Variants in CD44 observed in about 807,000 individuals in gnomAD.
The protein encoded by CD44 is CD44 antigen.
CD44 carries 49 observed loss-of-function variants against 88.8 expected under a neutral mutation model. The ratio of observed to expected loss-of-function variants is 0.55; its 90% CI spans 0.44 to 0.70. The LOEUF (loss-of-function observed/expected upper bound fraction) is 0.70. Ranked by LOEUF, CD44 falls within the 30% of genes least tolerant of loss-of-function variation. CD44 has a pLI of 0.00. For synonymous variants in CD44, 325 were observed against 312.3 expected (o/e 1.04, Z -0.43); for missense variants, 883 against 913.8 (o/e 0.97, Z 0.43).
At chr11:35,196,435 C>A (rs1023362125) in intron 5 of CD44, among the ~76,000 whole-genome samples, 1 of 152,036 alleles carries the variant, frequency 6.6e-6, no homozygotes, top group Admixed American at 6.6e-5. Context: ...TTCCTGGAGC[C>A]CTCACTCTTG....
At chr11:35,184,750 A>C (rs531079171) in intron 3 of CD44, among the ~76,000 whole-genome samples, 1 of 152,308 alleles carries the variant, frequency 6.6e-6, no homozygotes, top group Non-Finnish European at 1.5e-5. Context: ...TAGATGCTTA[A>C]AAATAATAAA....
chr11:35,228,298 C>G (rs373936723), intron 17 of CD44, among the ~76,000 whole-genome samples: 1 of 152,180 alleles, frequency 6.6e-6, no homozygotes, highest in Admixed American at 6.5e-5. Context: ...TGTTATTAAA[C>G]TTCCTATATC....
At chr11:35,165,323 G>T (rs1260385359) in intron 1 of CD44, among the ~76,000 whole-genome samples, 1 of 152,196 alleles carries the variant, frequency 6.6e-6, no homozygotes, top group Non-Finnish European at 1.5e-5. Context: ...GGGGAATGGG[G>T]AAAATTAGCA....
chr11:35,229,326 G>C lies in CD44; in HGVS notation c.2222G>C (p.Gly741Ala), dbSNP rs1347080117. The change falls in exon 18 of 18, where the codon GGG becomes GCG. Residue 741 changes from glycine to alanine, a missense_variant. By Grantham distance (60) the Gly-to-Ala change is moderately conservative. This residue lies in a region of CD44 where 631 missense variants were observed against 590.9 expected (regional missense o/e 1.07). Transcript: ENST00000428726. ...RNLQNVDMKI[G>A]V is the part of the protein sequence containing the mutation. Reference sequence around the variant, plus strand: ...CTGCAGAATGTGGACATGAAGATTGGGGTGTAACACCTACACCATTATCTT... The same window carrying C: ...CTGCAGAATGTGGACATGAAGATTGCGGTGTAACACCTACACCATTATCTT... The C allele has an allele frequency of 3.7e-6, 6 of 1,604,710 alleles. No homozygotes were observed. In the African/African-American group the frequency reaches 8.0e-5, roughly 21 times the overall value.
intron 1 of CD44, among the ~76,000 whole-genome samples, chr11:35,175,091 C>T (rs890290976): frequency 6.6e-6 from 1 of 152,148 alleles, no homozygotes; most frequent in South Asian, 2.1e-4. Context: ...AAATGAACCA[C>T]CTATGTGACC....
At chr11:35,195,353 G>A (rs17375044) in intron 5 of CD44, among the ~76,000 whole-genome samples, 7,831 of 151,826 alleles carry the variant, frequency 0.052, 228 homozygotes, top group Middle Eastern at 0.088. Context: ...ATAAATAATC[G>A]TGAGGAAAAT....
chr11:35,147,736 A>T (rs1165666820), intron 1 of CD44, among the ~76,000 whole-genome samples: 1 of 152,146 alleles, frequency 6.6e-6, no homozygotes, highest in African/African-American at 2.4e-5. Flanking sequence ...CCTTTCCAAG[A>T]TAGTAGCACG....
chr11:35,222,469 A>G, intron 17 of CD44: 28 of 1,249,026 alleles, frequency 2.2e-5, no homozygotes, highest in Non-Finnish European at 2.8e-5. Context: ...TTTCCTTTGG[A>G]AAACAACTAA....
chr11:35,226,815 C>G (rs774468535), intron 17 of CD44, among the ~76,000 whole-genome samples: 4 of 151,610 alleles, frequency 2.6e-5, no homozygotes, highest in Non-Finnish European at 5.9e-5. Context: ...TGAGTTGCCC[C>G]AGGTCACATA....
intron 8 of CD44, 101 bp downstream of exon 8, chr11:35,201,296 T>C: frequency 1.2e-6 from 1 of 832,340 alleles, no homozygotes; most frequent in Non-Finnish European, 2.1e-6. Context: ...TTAGTTAATA[T>C]CTGATCAAGA....
At chr11:35,152,415 G>A (rs980541456) in intron 1 of CD44, among the ~76,000 whole-genome samples, 1 of 152,234 alleles carries the variant, frequency 6.6e-6, no homozygotes, top group African/African-American at 2.4e-5. Context: ...AGGACACTCT[G>A]CTCTAATTCC....
intron 1 of CD44, among the ~76,000 whole-genome samples, chr11:35,144,567 C>A (rs977138217): frequency 1.3e-5 from 2 of 152,138 alleles, no homozygotes; most frequent in East Asian, 1.9e-4. Context: ...GTGTACCCCC[C>A]ACAGCTGCCC....
At chr11:35,216,231 C>G (rs571373512) in intron 15 of CD44, among the ~76,000 whole-genome samples, 16 of 152,070 alleles carry the variant, frequency 1.1e-4, no homozygotes, top group Non-Finnish European at 2.2e-4. Context: ...TTACCCCAGA[C>G]TGCAAAAGTC....
intron 1 of CD44, among the ~76,000 whole-genome samples, chr11:35,152,525 G>A (rs1860524648): frequency 6.6e-6 from 1 of 152,284 alleles, no homozygotes; most frequent in South Asian, 2.1e-4. Context: ...TAATCCCTCT[G>A]CCTCCCCTAG....
chr11:35,176,881 C>T (rs917922889), intron 2 of CD44, 141 bp downstream of exon 2: 4 of 717,404 alleles, frequency 5.6e-6, no homozygotes, highest in African/African-American at 5.4e-5. Flanking sequence ...TTGGCCAAGT[C>T]AATCTGCAAC....
At chr11:35,150,935 G>A (rs556413651) in intron 1 of CD44, among the ~76,000 whole-genome samples, 1 of 152,330 alleles carries the variant, frequency 6.6e-6, no homozygotes, top group Admixed American at 6.5e-5. Flanking sequence ...GAGGAAAGTG[G>A]AAGACCTAGT....
At chr11:35,209,187 G>C (rs185884293) in intron 12 of CD44, among the ~76,000 whole-genome samples, 1 of 150,046 alleles carries the variant, frequency 6.7e-6, no homozygotes, top group Admixed American at 6.6e-5. Flanking sequence ...TTTTGCACCT[G>C]CAACTCAGGT....
Position 35,206,096 on chromosome 11 carries a change from A to G in CD44, c.1283-16A>G, listed in dbSNP as rs1230217331. The G allele has an allele frequency of 3.8e-6, 6 of 1,588,234 alleles. No homozygotes were observed. The highest frequency in any genetic ancestry group is 1.2e-5 in the South Asian group (1 of 86,416). On this transcript the variant is annotated splice_polypyrimidine_tract_variant and intron_variant, in intron 10 of 17. Coordinates refer to ENST00000428726, the MANE Select transcript of CD44 (RefSeq NM_000610.4). Reference sequence around the variant, plus strand: ...CCATTAACACTTTGACAATTGCTCAAACTGCATGGTCACAGCAGCCTCAGC... The same window carrying G: ...CCATTAACACTTTGACAATTGCTCAGACTGCATGGTCACAGCAGCCTCAGC...
intron 14 of CD44, chr11:35,212,779 CTG>C (rs1948509635): frequency 6.6e-6 from 1 of 152,106 alleles, no homozygotes; most frequent in African/African-American, 2.4e-5. Context: ...TCTTATAGTG[CTG>C]TCTCATTTCT....
Sources: gnomAD v4.1 joint callset for allele counts (sites outside exome capture counted in the v4.1 genomes callset) on GRCh38, gnomAD v4.1.1 for gene constraint, gnomAD v4.1.1 regional missense constraint, MANE v1.5 for transcripts, NCBI Gene and HGNC (gene_info 2026-07-23, HGNC 2026-07-21) for gene names.